Variants in SLC24A2 observed in about 807,000 individuals in gnomAD.
The protein encoded by SLC24A2 is solute carrier family 24 member 2.
Under a neutral mutation model 62.0 loss-of-function variants are expected in SLC24A2, and 36 were observed. That is an observed-to-expected ratio of 0.58 (90% CI 0.44 to 0.77). The LOEUF is 0.77. Ranked by LOEUF, SLC24A2 falls within the 30% of genes least tolerant of loss-of-function variation. The pLI is 0.00. For missense variants in SLC24A2, 846 were observed against 817.9 expected (o/e 1.03, Z -0.42); for synonymous variants, 358 against 294.0 (o/e 1.22, Z -2.23).
At chr9:20,180,175 T>C in the SLC24A2 span, among the ~76,000 whole-genome samples, 1 of 152,152 alleles carries the variant, frequency 6.6e-6, no homozygotes. Flanking sequence ...TTGTAAAAAT[T>C]TACTTAACTC....
the SLC24A2 span, among the ~76,000 whole-genome samples, chr9:20,272,657 T>A: frequency 6.6e-6 from 1 of 152,168 alleles, no homozygotes; most frequent in Admixed American, 6.6e-5. Context: ...GGTAAACCAA[T>A]TGACTGATCA....
At chr9:19,560,755 C>T (rs58565365) in intron 7 of SLC24A2, among the ~76,000 whole-genome samples, 6,042 of 152,162 alleles carry the variant, frequency 0.04, 389 homozygotes, top group African/African-American at 0.14. Flanking sequence ...GATCTTTTTG[C>T]TTTGAAATAA....
chr9:19,525,051 C>T (rs983920897), intron 9 of SLC24A2, among the ~76,000 whole-genome samples: 5 of 152,168 alleles, frequency 3.3e-5, no homozygotes, highest in African/African-American at 1.2e-4. Context: ...AACCAGCCCA[C>T]CTTCTGCTGT....
chr9:20,103,404 TCCCTGAC>T, the SLC24A2 span, among the ~76,000 whole-genome samples: 1 of 152,126 alleles, frequency 6.6e-6, no homozygotes, highest in Admixed American at 6.5e-5. Context: ...CTCAAGTGGG[TCCCTGAC>T]CCCTGACCCC....
At chr9:20,303,240 C>T in the SLC24A2 span, among the ~76,000 whole-genome samples, 1 of 152,020 alleles carries the variant, frequency 6.6e-6, no homozygotes. Context: ...AAAAAAGAAC[C>T]CTGAGGGGAA....
intron 2 of SLC24A2, among the ~76,000 whole-genome samples, chr9:19,629,143 C>T: frequency 6.6e-6 from 1 of 152,168 alleles, no homozygotes; most frequent in East Asian, 1.9e-4. Flanking sequence ...TGGAGTTGGA[C>T]AATTTTTCCA....
the SLC24A2 span, among the ~76,000 whole-genome samples, chr9:20,223,234 A>C: frequency 6.6e-6 from 1 of 152,182 alleles, no homozygotes; most frequent in South Asian, 2.1e-4. Context: ...ACAGCATTGA[A>C]GTACATAGAA....
the SLC24A2 span, among the ~76,000 whole-genome samples, chr9:20,145,197 A>G: frequency 1.1e-3 from 170 of 152,256 alleles, no homozygotes; most frequent in Admixed American, 2.9e-3. Context: ...GGTGCCCCCA[A>G]TACTGGAATT....
chr9:20,091,832 G>A, the SLC24A2 span, among the ~76,000 whole-genome samples: 1 of 152,082 alleles, frequency 6.6e-6, no homozygotes, highest in Non-Finnish European at 1.5e-5. Flanking sequence ...CAAAGACATG[G>A]AATCAACCTA....
chr9:20,211,809 G>A, the SLC24A2 span, among the ~76,000 whole-genome samples: 1 of 152,036 alleles, frequency 6.6e-6, no homozygotes, highest in Non-Finnish European at 1.5e-5. Flanking sequence ...TAAATAAGGA[G>A]TCTCAAAATA....
the SLC24A2 span, among the ~76,000 whole-genome samples, chr9:19,992,848 A>C: frequency 6.6e-6 from 1 of 152,194 alleles, no homozygotes; most frequent in African/African-American, 2.4e-5. Context: ...CAGAGCTGGG[A>C]ATCCCTTCCT....
the SLC24A2 span, among the ~76,000 whole-genome samples, chr9:20,019,141 GAA>G: frequency 7.1e-4 from 74 of 103,644 alleles, 1 homozygote; most frequent in Middle Eastern, 4.5e-3. Flanking sequence ...AAGAAAGAAA[GAA>G]AGAAAGAAAG....
At chr9:19,793,410 A>G (rs1411404211), upstream of SLC24A2, among the ~76,000 whole-genome samples, 2 of 152,060 alleles carry the variant, frequency 1.3e-5, no homozygotes, top group South Asian at 2.1e-4. Flanking sequence ...CTAGTATCTC[A>G]TGGACTGAAG....
the SLC24A2 span, among the ~76,000 whole-genome samples, chr9:19,893,638 T>C: frequency 3.9e-5 from 6 of 152,328 alleles, no homozygotes; most frequent in East Asian, 1.2e-3. Context: ...ATTGTCCTCA[T>C]TTTTATATAT....
chr9:19,677,527 C>T (rs528261270), intron 2 of SLC24A2, among the ~76,000 whole-genome samples: 29 of 152,236 alleles, frequency 1.9e-4, no homozygotes, highest in African/African-American at 5.3e-4. Flanking sequence ...CAACAAACCC[C>T]CATGACACAA....
intron 7 of SLC24A2, among the ~76,000 whole-genome samples, chr9:19,569,539 TCA>T (rs1835780422): frequency 6.6e-6 from 1 of 152,136 alleles, no homozygotes; most frequent in African/African-American, 2.4e-5. Flanking sequence ...TCCACGTCTA[TCA>T]CACCAGTACG....
At chr9:20,283,924 G>T in the SLC24A2 span, among the ~76,000 whole-genome samples, 3 of 152,118 alleles carry the variant, frequency 2.0e-5, no homozygotes, top group Non-Finnish European at 4.4e-5. Flanking sequence ...TTTTCCGGTG[G>T]CATGTGTTCC....
the SLC24A2 span, among the ~76,000 whole-genome samples, chr9:19,863,312 C>A: frequency 2.2e-3 from 336 of 152,206 alleles, 1 homozygote; most frequent in Non-Finnish European, 3.2e-3. Flanking sequence ...CAATACCCCA[C>A]TTTCAGCATT....
chr9:19,697,461 C>A (rs766711874), intron 2 of SLC24A2, among the ~76,000 whole-genome samples: 8 of 152,122 alleles, frequency 5.3e-5, no homozygotes, highest in African/African-American at 9.7e-5. Context: ...AGAAAAAAAT[C>A]TTTTCCTTGG....
Sources: allele counts gnomAD v4.1 joint callset (sites outside exome capture counted in the v4.1 genomes callset), GRCh38; gene constraint gnomAD v4.1.1; transcripts MANE v1.5; gene names NCBI Gene and HGNC (gene_info 2026-07-23, HGNC 2026-07-21).